Variants in SOX5 observed in about 807,000 individuals in gnomAD.
SOX5 encodes transcription factor SOX-5.
In SOX5, 9 loss-of-function variants were observed where a neutral mutation model predicts 92.0. The observed-to-expected ratio is 0.10, with a 90% CI of 0.06 to 0.17. SOX5 has a LOEUF of 0.17. SOX5 is among the 10% of genes least tolerant of loss of function. The probability of loss-of-function intolerance (pLI) is 1.00; values close to 1 mark genes in which losing one functional copy is unlikely to be tolerated. For missense variants in SOX5, 642 were observed against 944.5 expected (o/e 0.68, Z 4.20); for synonymous variants, 344 against 336.3 (o/e 1.02, Z -0.25).
At chr12:24,065,338 C>A (rs1391026367) in intron 4 of SOX5, among the ~76,000 whole-genome samples, 1 of 152,090 alleles carries the variant, frequency 6.6e-6, no homozygotes, top group Non-Finnish European at 1.5e-5. Context: ...GTTGTGGATA[C>A]AAATACCTCC....
chr12:24,039,920 A>T (rs927417445), intron 4 of SOX5, among the ~76,000 whole-genome samples: 2 of 152,240 alleles, frequency 1.3e-5, no homozygotes, highest in Non-Finnish European at 2.9e-5. Flanking sequence ...GATACAATAG[A>T]AGTGAACACT....
chr12:24,011,757 G>C (rs551953770), intron 4 of SOX5, among the ~76,000 whole-genome samples: 1 of 152,188 alleles, frequency 6.6e-6, no homozygotes, highest in East Asian at 1.9e-4. Flanking sequence ...TATCTGAAGT[G>C]AAACTTATCC....
chr12:24,356,098 C>A (rs915254278), intron 2 of SOX5, among the ~76,000 whole-genome samples: 1 of 152,040 alleles, frequency 6.6e-6, no homozygotes, highest in Non-Finnish European at 1.5e-5. Context: ...AGATTTTCTG[C>A]AGAATATAAA....
chr12:24,413,849 A>G (rs1257873858), intron 1 of SOX5, among the ~76,000 whole-genome samples: 2 of 152,346 alleles, frequency 1.3e-5, no homozygotes, highest in African/African-American at 4.8e-5. Flanking sequence ...CAGAGTGGCA[A>G]ATTTGAAGGA....
At chr12:23,752,035 G>C (rs2141178415) in intron 4 of SOX5, among the ~76,000 whole-genome samples, 1 of 151,378 alleles carries the variant, frequency 6.6e-6, no homozygotes, top group African/African-American at 2.4e-5. Flanking sequence ...TTGTGGGCCT[G>C]AATTAATGCA....
chr12:24,471,848 T>C (rs892165175), intron 1 of SOX5, among the ~76,000 whole-genome samples: 2 of 151,340 alleles, frequency 1.3e-5, no homozygotes, highest in Admixed American at 6.6e-5. Flanking sequence ...GCAACAGCCT[T>C]AGTCAGTTGA....
intron 2 of SOX5, among the ~76,000 whole-genome samples, chr12:24,362,946 TTAAG>T (rs1286283057): frequency 6.6e-6 from 1 of 151,102 alleles, no homozygotes; most frequent in African/African-American, 2.4e-5. Flanking sequence ...ACCAGTAGAA[TTAAG>T]TGATTTGCAA....
intron 2 of SOX5, among the ~76,000 whole-genome samples, chr12:24,299,374 A>G (rs1337922045): frequency 6.6e-6 from 1 of 152,224 alleles, no homozygotes; most frequent in African/African-American, 2.4e-5. Flanking sequence ...GAAGGTGTTT[A>G]CAATGTATCT....
intron 4 of SOX5, among the ~76,000 whole-genome samples, chr12:24,189,502 C>A (rs775518358): frequency 3.9e-5 from 6 of 152,170 alleles, no homozygotes; most frequent in Admixed American, 6.5e-5. Flanking sequence ...TCCAAGCAGG[C>A]ATCCCAAGTA....
chr12:24,506,782 G>GTTTTTTTTTTTTTTTTTTTTTTTTT (rs1386116375), intron 1 of SOX5, among the ~76,000 whole-genome samples: 6 of 80,272 alleles, frequency 7.5e-5, no homozygotes, highest in African/African-American at 1.0e-4. Context: ...TATCCAAATG[G>GTTTTTTTTTTTTTTTTTTTTTTTTT]TCTTTTTTTT....
At chr12:23,962,397 A>G (rs1947051081) in intron 4 of SOX5, among the ~76,000 whole-genome samples, 1 of 152,164 alleles carries the variant, frequency 6.6e-6, no homozygotes, top group South Asian at 2.1e-4. Flanking sequence ...GCAGGTACGC[A>G]CGCAAGCAAA....
chr12:23,710,897 C>T (rs981770690), intron 6 of SOX5, among the ~76,000 whole-genome samples: 1 of 152,184 alleles, frequency 6.6e-6, no homozygotes, highest in East Asian at 1.9e-4. Flanking sequence ...TCCTCTCCAG[C>T]ACCTGTTGTT....
At position 24,119,938 on chromosome 12, in the gene SOX5, T is replaced by C. The variant is rs1235097966; in HGVS notation, c.-2+93405A>G. ...AAGTTATACAGTATATAGTATTTTG[T>C]GTTTGGCTCATGCACTCATTGCGAT... On this transcript the variant is annotated intron_variant, in intron 4 of 4. Coordinates refer to the SOX5 transcript ENST00000446891. Among the ~76,000 whole-genome samples the C allele has an allele frequency of 2.6e-5, 4 of 152,198 alleles. No homozygotes were observed. In the East Asian group the frequency reaches 7.7e-4, roughly 29 times the overall value.
At chr12:24,377,229 C>T (rs1254148636) in intron 1 of SOX5, among the ~76,000 whole-genome samples, 1 of 152,112 alleles carries the variant, frequency 6.6e-6, no homozygotes, top group Non-Finnish European at 1.5e-5. Context: ...CATACACTGA[C>T]AGGGAAAGGT....
At chr12:24,438,517 T>C (rs369313426) in intron 1 of SOX5, among the ~76,000 whole-genome samples, 2 of 152,118 alleles carry the variant, frequency 1.3e-5, no homozygotes, top group African/African-American at 4.8e-5. Context: ...CCAACTAAAT[T>C]GATAACCTTC....
intron 1 of SOX5, among the ~76,000 whole-genome samples, 193 bp from the exon 2 acceptor site, chr12:23,896,217 G>A (rs567178616): frequency 6.6e-6 from 1 of 152,290 alleles, no homozygotes; most frequent in African/African-American, 2.4e-5. Context: ...AACAGTGCTT[G>A]TTTGTTGTGA....
intron 3 of SOX5, among the ~76,000 whole-genome samples, chr12:23,781,990 A>C (rs571593604): frequency 1.6e-4 from 24 of 152,200 alleles, no homozygotes; most frequent in Admixed American, 3.3e-4. Context: ...ATTTCTTGGT[A>C]AGACTGGATA....
chr12:24,196,006 G>A (rs758979379), intron 4 of SOX5, among the ~76,000 whole-genome samples: 7 of 152,060 alleles, frequency 4.6e-5, no homozygotes, highest in Non-Finnish European at 7.4e-5. Flanking sequence ...TGCCTCAGAC[G>A]CTGGAGTAGC....
chr12:23,759,030 GAC>G (rs61575999), intron 3 of SOX5, among the ~76,000 whole-genome samples: 177 of 146,312 alleles, frequency 1.2e-3, no homozygotes, highest in African/African-American at 4.2e-3. Flanking sequence ...CACACACACA[GAC>G]ACACACACAC....
Sources: allele counts gnomAD v4.1 joint callset (sites outside exome capture counted in the v4.1 genomes callset), GRCh38; gene constraint gnomAD v4.1.1; transcripts MANE v1.5; gene names NCBI Gene and HGNC (gene_info 2026-07-23, HGNC 2026-07-21).